Variants in SNX10 observed in about 807,000 individuals in gnomAD.
The protein encoded by SNX10 is sorting nexin-10.
A neutral mutation model predicts 28.5 loss-of-function variants in SNX10; 25 were observed. The observed-to-expected ratio is 0.88, with a 90% CI of 0.64 to 1.22. SNX10 has a LOEUF of 1.22. SNX10 is among the 50% of genes most tolerant of loss of function. The probability of loss-of-function intolerance (pLI) is 0.00; values close to 1 mark genes in which losing one functional copy is unlikely to be tolerated. For synonymous variants in SNX10, 62 were observed against 81.4 expected, an observed-to-expected ratio of 0.76 and a Z score of 1.28; for missense variants, 223 against 242.6, an observed-to-expected ratio of 0.92 and a Z score of 0.54.
intron 1 of SNX10, among the ~76,000 whole-genome samples, chr7:26,336,631 G>C (rs1787956843): frequency 6.6e-6 from 1 of 152,202 alleles, no homozygotes; most frequent in African/African-American, 2.4e-5. Flanking sequence ...CTTGAACCCA[G>C]GAGGCGGAGG....
intron 1 of SNX10, among the ~76,000 whole-genome samples, chr7:26,334,023 T>G (rs1177495058): frequency 6.6e-6 from 1 of 152,210 alleles, no homozygotes; most frequent in East Asian, 1.9e-4. Context: ...CTCCCCCAGC[T>G]TCTGAGATTT....
At chr7:26,316,448 C>T (rs1011806807) in intron 1 of SNX10, among the ~76,000 whole-genome samples, 6 of 152,250 alleles carry the variant, frequency 3.9e-5, no homozygotes, top group African/African-American at 1.4e-4. Context: ...GCACCTGTTC[C>T]TTAACTCTTG....
chr7:26,326,546 G>C (rs573139637), intron 1 of SNX10, among the ~76,000 whole-genome samples: 1 of 152,270 alleles, frequency 6.6e-6, no homozygotes, highest in Admixed American at 6.5e-5. Context: ...AAAGGTTTTA[G>C]TGATGGCCAA....
intron 1 of SNX10, among the ~76,000 whole-genome samples, chr7:26,303,270 A>G (rs1786449075): frequency 6.6e-6 from 1 of 152,240 alleles, no homozygotes; most frequent in Non-Finnish European, 1.5e-5. Flanking sequence ...GGCTTAATGT[A>G]AGGATACTGC....
At chr7:26,323,215 A>C (rs1398546390) in intron 1 of SNX10, among the ~76,000 whole-genome samples, 1 of 152,118 alleles carries the variant, frequency 6.6e-6, no homozygotes, top group Non-Finnish European at 1.5e-5. Flanking sequence ...ACGCCACTGC[A>C]CTCCAGCCTG....
chr7:26,366,546 C>T (rs1394452471), intron 5 of SNX10, among the ~76,000 whole-genome samples: 3 of 152,192 alleles, frequency 2.0e-5, no homozygotes, highest in South Asian at 4.1e-4. Context: ...CCTGCCCTTT[C>T]CCCTAGAGGA....
chr7:26,350,348 G>T (rs1788547921), intron 2 of SNX10, among the ~76,000 whole-genome samples: 1 of 152,108 alleles, frequency 6.6e-6, no homozygotes, highest in South Asian at 2.1e-4. Context: ...GAGGAGATGG[G>T]GCACTATGGG....
intron 2 of SNX10, among the ~76,000 whole-genome samples, chr7:26,358,952 C>T (rs879449534): frequency 1.1e-4 from 17 of 151,352 alleles, no homozygotes; most frequent in Non-Finnish European, 2.1e-4. Context: ...ATTACAGGCG[C>T]CCAACACCAT....
chr7:26,302,199 A>T (rs1007552257), intron 1 of SNX10, among the ~76,000 whole-genome samples: 2 of 151,660 alleles, frequency 1.3e-5, no homozygotes, highest in Admixed American at 6.6e-5. Context: ...GTGCCTTTTT[A>T]TGCTTCCTTG....
At chr7:26,325,575 G>A (rs531647001) in intron 1 of SNX10, among the ~76,000 whole-genome samples, 2 of 149,086 alleles carry the variant, frequency 1.3e-5, no homozygotes, top group South Asian at 2.1e-4. Context: ...CGCCTGCCTC[G>A]GCCTCCCAAA....
At chr7:26,324,561 A>G (rs12531745) in intron 1 of SNX10, among the ~76,000 whole-genome samples, 5,888 of 152,076 alleles carry the variant, frequency 0.039, 371 homozygotes, top group East Asian at 0.27. Context: ...AGGCCTCACT[A>G]TGTTGCCCAG....
chr7:26,313,613 T>C (rs770991167), intron 1 of SNX10, among the ~76,000 whole-genome samples: 2 of 152,028 alleles, frequency 1.3e-5, no homozygotes, highest in Non-Finnish European at 1.5e-5. Context: ...GCCAAATGAG[T>C]GTGGCTAAAG....
intron 5 of SNX10, 29 bp downstream of exon 5, chr7:26,365,174 A>T: frequency 3.0e-6 from 4 of 1,347,360 alleles, no homozygotes; most frequent in Non-Finnish European, 3.2e-6. Flanking sequence ...TTGTGGCCAG[A>T]CAAGGGGTGT....
At chr7:26,356,988 AGTTT>A (rs1224017881) in intron 2 of SNX10, 2 of 918,306 alleles carry the variant, frequency 2.2e-6, no homozygotes, top group African/African-American at 3.5e-5. Flanking sequence ...TCCTGAAGGC[AGTTT>A]GTTTATTCCT....
At chr7:26,306,234 T>G (rs1786588323) in intron 1 of SNX10, among the ~76,000 whole-genome samples, 1 of 152,110 alleles carries the variant, frequency 6.6e-6, no homozygotes, top group Non-Finnish European at 1.5e-5. Flanking sequence ...AAGGACTTTC[T>G]TGTGTTACTT....
chr7:26,311,727 C>G (rs1028348341), intron 1 of SNX10, among the ~76,000 whole-genome samples: 4 of 152,138 alleles, frequency 2.6e-5, no homozygotes, highest in Admixed American at 1.3e-4. Context: ...AGAACATTGG[C>G]TCAGCCCTCT....
At chr7:26,351,433 C>T (rs1788589431) in intron 2 of SNX10, among the ~76,000 whole-genome samples, 1 of 152,128 alleles carries the variant, frequency 6.6e-6, no homozygotes, top group Non-Finnish European at 1.5e-5. Context: ...TAACACCAAT[C>T]TAATCATGAG....
intron 1 of SNX10, among the ~76,000 whole-genome samples, chr7:26,303,275 T>A (rs1786449169): frequency 6.6e-6 from 1 of 152,226 alleles, no homozygotes; most frequent in Admixed American, 6.5e-5. Flanking sequence ...AATGTAAGGA[T>A]ACTGCAGACA....
chr7:26,359,198 C>T (rs1788966855), intron 2 of SNX10, among the ~76,000 whole-genome samples: 2 of 152,060 alleles, frequency 1.3e-5, no homozygotes, highest in South Asian at 4.1e-4. Flanking sequence ...TCCCTGTCTA[C>T]TAAAGACAAG....
Sources: allele counts gnomAD v4.1 joint callset (sites outside exome capture counted in the v4.1 genomes callset), GRCh38; gene constraint gnomAD v4.1.1; transcripts MANE v1.5; gene names NCBI Gene and HGNC (gene_info 2026-07-23, HGNC 2026-07-21).